ZHX2: variants seen among roughly 807,000 people sequenced by gnomAD.
The protein encoded by ZHX2 is zinc fingers and homeoboxes protein 2.
A neutral mutation model predicts 21.9 loss-of-function variants in ZHX2; 6 were observed. The observed-to-expected ratio is 0.27, with a 90% confidence interval of 0.15 to 0.54. The LOEUF is 0.54. Ranked by LOEUF, ZHX2 falls within the 20% of genes least tolerant of loss-of-function variation. The pLI, the probability that ZHX2 is intolerant of heterozygous loss-of-function variation, is 0.95. For missense variants in ZHX2, 908 were observed against 1,090.7 expected, an observed-to-expected ratio of 0.83 and a Z score of 2.36; for synonymous variants, 434 against 437.1, an observed-to-expected ratio of 0.99 and a Z score of 0.09.
At chr8:122,821,688 C>CTTTATTTATTTATTTATTTA (rs35192802) in intron 1 of ZHX2, among the ~76,000 whole-genome samples, 7 of 145,404 alleles carry the variant, frequency 4.8e-5, no homozygotes, top group Non-Finnish European at 4.5e-5. Context: ...ACAGGCATGA[C>CTTTATTTATTTATTTATTTA]TTTATTTATT....
At position 122,952,130 on chromosome 8, in the gene ZHX2, C is replaced by G; in HGVS notation, c.620C>G (p.Thr207Ser). The change falls in exon 3 of 4, where the codon ACC (threonine) becomes AGC (serine). Residue 207 changes from threonine to serine, a missense_variant. Coordinates refer to ENST00000314393, the MANE Select transcript of ZHX2 (RefSeq NM_014943.5). This position sits in a 1 kb window ranked among gnomAD's most constrained non-coding sequence, Gnocchi z 6.9. The stretch of plus-strand genomic sequence containing the variant: ...GTGCCCAAGAAGCCCGAGGAGATCA[C>G]CCCCGAGAACCACGTGGAAGGGACC... ...KKVPKKPEEITPENHVEGTAR... is the reference protein window; with the variant it reads ...KKVPKKPEEISPENHVEGTAR... 6.2e-7 allele frequency: 1 copy of G among 1,613,728 alleles called. No individual in the cohort carries two copies. Among genetic ancestry groups the G allele is most frequent in the Middle Eastern group, 1.6e-4 (1 of 6,062 alleles).
chr8:122,867,187 A>G (rs1253934622), intron 2 of ZHX2, among the ~76,000 whole-genome samples: 1 of 152,138 alleles, frequency 6.6e-6, no homozygotes, highest in African/African-American at 2.4e-5. Context: ...TTGTGGTCTT[A>G]TATCAGCAAT....
Position 122,971,739 on chromosome 8 carries a change from G to A in ZHX2, c.*5-1503G>A, listed in dbSNP as rs529560669. 3.3e-5 allele frequency among the ~76,000 whole-genome samples: 5 copies of A among 152,112 alleles called. No homozygotes were observed. The East Asian group carries it at 9.6e-4, about 29-fold the overall frequency. On this transcript the variant is annotated intron_variant, in intron 3 of 3. Coordinates refer to ENST00000314393, the MANE Select transcript of ZHX2 (RefSeq NM_014943.5). ...ATCTGAAAAACTTCTAGCCTGTCAT[G>A]GAATACTGGCTGTGTCCTCTAGAGA...
At position 122,958,943 on chromosome 8, in the gene ZHX2, A is replaced by C. The variant is rs74581606; in HGVS notation, c.*4+4915A>C. ...ATAAAGGTGAGAAATGGACATAGAA[A>C]CACCTGTTTCATGAGAGTAGTGCAC... On this transcript the variant is annotated intron_variant, in intron 3 of 3. Transcript: ENST00000314393. 4.5e-3 allele frequency among the ~76,000 whole-genome samples: 682 copies of C among 152,344 alleles called. 2 individuals carry two copies. Among genetic ancestry groups the C allele is most frequent in the African/African-American group, 0.015 (618 of 41,564 alleles).
In ZHX2 at chr8:122,791,192, C is replaced by A. The variant is rs1817511397; in HGVS notation, c.-283+9246C>A. Among the ~76,000 whole-genome samples, 2 of 152,256 alleles carry A rather than the reference C, an allele frequency of 1.3e-5. 1 individual carries two copies. Among genetic ancestry groups the A allele is most frequent in the Admixed American group, 1.3e-4 (2 of 15,286 alleles). ...GTCTTCCTCTGCCTACGGTCTTCCT[C>A]ACCCACGATTTTCCCCAATTTATTG... On this transcript the variant is annotated intron_variant, in intron 1 of 3. Coordinates refer to ENST00000314393, the MANE Select transcript of ZHX2 (RefSeq NM_014943.5).
intron 1 of ZHX2, among the ~76,000 whole-genome samples, chr8:122,824,802 C>T (rs966932207): frequency 6.6e-6 from 1 of 152,196 alleles, no homozygotes; most frequent in African/African-American, 2.4e-5. Flanking sequence ...AAGTGGACCT[C>T]ACTGAGCTAA....
intron 2 of ZHX2, among the ~76,000 whole-genome samples, chr8:122,921,895 T>C (rs1210157927): frequency 6.6e-6 from 1 of 152,192 alleles, no homozygotes; most frequent in African/African-American, 2.4e-5. Context: ...TAAAAACAGA[T>C]GTCACCTAGT....
chr8:122,907,446 C>A (rs952114019), intron 2 of ZHX2, among the ~76,000 whole-genome samples: 12 of 152,114 alleles, frequency 7.9e-5, no homozygotes, highest in African/African-American at 2.9e-4. Context: ...CCAAAGGAGG[C>A]AATCAGATAT....
At chr8:122,943,291 G>A (rs1812891441) in intron 2 of ZHX2, among the ~76,000 whole-genome samples, 1 of 152,004 alleles carries the variant, frequency 6.6e-6, no homozygotes, top group South Asian at 2.1e-4. Context: ...AAAATAAAAT[G>A]CACAGTCATA....
intron 2 of ZHX2, among the ~76,000 whole-genome samples, chr8:122,888,402 T>A (rs969988671): frequency 3.9e-5 from 6 of 152,234 alleles, no homozygotes; most frequent in African/African-American, 1.4e-4. Context: ...TGTACATTTC[T>A]TTCCGTTAGG....
intron 1 of ZHX2, among the ~76,000 whole-genome samples, chr8:122,821,379 T>TATAG (rs1399417913): frequency 6.6e-6 from 1 of 152,186 alleles, no homozygotes; most frequent in African/African-American, 2.4e-5. Context: ...CAGGCTAAGC[T>TATAG]ATAGTAAGGG....
intron 2 of ZHX2, among the ~76,000 whole-genome samples, chr8:122,907,675 C>G (rs1390730036): frequency 1.3e-5 from 2 of 152,222 alleles, no homozygotes; most frequent in Non-Finnish European, 2.9e-5. Context: ...CTGCCCTAGC[C>G]TCTGTTTGAA....
chr8:122,969,946 T>C (rs1278731401), intron 3 of ZHX2, among the ~76,000 whole-genome samples: 1 of 152,230 alleles, frequency 6.6e-6, no homozygotes, highest in Non-Finnish European at 1.5e-5. Context: ...CAGATTTTGC[T>C]AAAGAATTAG....
chr8:122,894,252 T>C (rs1012111956), intron 2 of ZHX2, among the ~76,000 whole-genome samples: 4 of 152,192 alleles, frequency 2.6e-5, no homozygotes, highest in African/African-American at 9.7e-5. Flanking sequence ...ACTGGCCTTT[T>C]CTCCTTTGAA....
At chr8:122,944,869 A>G (rs941477628) in intron 2 of ZHX2, among the ~76,000 whole-genome samples, 1 of 152,192 alleles carries the variant, frequency 6.6e-6, no homozygotes, top group African/African-American at 2.4e-5. Context: ...GAGATAGGTA[A>G]TTAAGGTAAT....
chr8:122,789,807 A>T (rs1448568835), intron 1 of ZHX2, among the ~76,000 whole-genome samples: 5 of 152,180 alleles, frequency 3.3e-5, no homozygotes, highest in Non-Finnish European at 4.4e-5. Flanking sequence ...CTGCGATTTC[A>T]TTATCTTGTA....
chr8:122,796,623 C>T (rs1238212777), intron 1 of ZHX2, among the ~76,000 whole-genome samples: 18 of 152,042 alleles, frequency 1.2e-4, no homozygotes, highest in Admixed American at 1.1e-3. Context: ...TTTGTGGAAA[C>T]GCTGTCCTGA....
Position 122,952,900 on chromosome 8 carries a change from C to G in ZHX2, c.1390C>G (p.Pro464Ala). The G allele has an allele frequency of 6.2e-7, 1 of 1,614,174 alleles. No homozygotes were observed. Among genetic ancestry groups the G allele is most frequent in the Non-Finnish European group, 8.5e-7 (1 of 1,180,050 alleles). The change falls in exon 3 of 4, where the codon CCT becomes GCT. Residue 464 changes from proline (P) to alanine (A), a missense_variant. By Grantham distance (27) the Pro-to-Ala change is conservative. Transcript: ENST00000314393. The surrounding 1 kb of genome is among the most constrained non-coding windows in gnomAD (Gnocchi z 6.9). ...LKASFLQSQFPDDAEVYRLIE... is the reference protein window; with the variant it reads ...LKASFLQSQFADDAEVYRLIE... ...GGCCAGCTTTCTCCAGAGCCAGTTC[C>G]CTGACGATGCCGAGGTTTACCGGCT...
At chr8:122,790,018 G>A (rs148251097) in intron 1 of ZHX2, among the ~76,000 whole-genome samples, 6 of 152,342 alleles carry the variant, frequency 3.9e-5, no homozygotes, top group Non-Finnish European at 5.9e-5. Flanking sequence ...ACATTCCAAA[G>A]AACGGAGAAC....
Sources: allele counts gnomAD v4.1 joint callset (sites outside exome capture counted in the v4.1 genomes callset), GRCh38; gene constraint gnomAD v4.1.1; non-coding constraint Gnocchi (gnomAD v3.1); transcripts MANE v1.5; gene names NCBI Gene and HGNC (gene_info 2026-07-23, HGNC 2026-07-21).